Variants in VAV2 observed in about 807,000 individuals in gnomAD.
The protein encoded by VAV2 is vav guanine nucleotide exchange factor 2, also known as guanine nucleotide exchange factor VAV2.
Under a neutral mutation model 132.5 loss-of-function variants are expected in VAV2, and 67 were observed. The ratio of observed to expected loss-of-function variants is 0.51; its 90% CI spans 0.42 to 0.62. The LOEUF (loss-of-function observed/expected upper bound fraction) is 0.62, where lower values mean the gene tolerates loss of function less well. Ranked by LOEUF, VAV2 falls within the 20% of genes least tolerant of loss-of-function variation. The probability of loss-of-function intolerance (pLI) is 0.00; values close to 1 mark genes in which losing one functional copy is unlikely to be tolerated. For synonymous variants in VAV2, 492 were observed against 443.5 expected (o/e 1.11, Z -1.37); for missense variants, 938 against 1,153.6 (o/e 0.81, Z 2.71).
At chr9:133,778,088 C>T (rs1246811578) in intron 22 of VAV2, among the ~76,000 whole-genome samples, 1 of 152,074 alleles carries the variant, frequency 6.6e-6, no homozygotes, top group Non-Finnish European at 1.5e-5. Context: ...CCAGCATGCT[C>T]AACGACATGG....
intron 29 of VAV2, among the ~76,000 whole-genome samples, chr9:133,765,422 C>T (rs953362968): frequency 6.6e-6 from 1 of 152,206 alleles, no homozygotes; most frequent in Non-Finnish European, 1.5e-5. Context: ...AAAGTGCCAA[C>T]GTCCCCATTG....
chr9:133,852,540 T>A (rs1475718951), intron 3 of VAV2, among the ~76,000 whole-genome samples: 3 of 152,214 alleles, frequency 2.0e-5, no homozygotes, highest in East Asian at 3.9e-4. Context: ...GCTGTGATGA[T>A]CCGGGAGTGG....
At chr9:133,956,426 T>C (rs1234854777) in intron 1 of VAV2, among the ~76,000 whole-genome samples, 1 of 152,146 alleles carries the variant, frequency 6.6e-6, no homozygotes, top group Admixed American at 6.5e-5. Context: ...GGGTACTCTG[T>C]CTTTCTACCT....
chr9:133,929,349 C>T (rs1840594525), intron 2 of VAV2, among the ~76,000 whole-genome samples: 1 of 152,072 alleles, frequency 6.6e-6, no homozygotes, highest in Non-Finnish European at 1.5e-5. Flanking sequence ...GATGGGAAGT[C>T]CAGGGTGACA....
At chr9:133,780,102 C>A (rs746458759) in intron 20 of VAV2, 163 bp from the exon 21 acceptor site, 36 of 887,144 alleles carry the variant, frequency 4.1e-5, no homozygotes, top group Non-Finnish European at 5.4e-5. Context: ...GGGACGCCCC[C>A]ACCCTGGCAA....
intron 4 of VAV2, among the ~76,000 whole-genome samples, chr9:133,820,078 C>A (rs1835725904): frequency 6.6e-6 from 1 of 152,216 alleles, no homozygotes; most frequent in Non-Finnish European, 1.5e-5. Context: ...CAATGGCCAT[C>A]TGTCCCAATG....
At chr9:133,877,279 C>A (rs1034351971) in intron 2 of VAV2, among the ~76,000 whole-genome samples, 2 of 152,302 alleles carry the variant, frequency 1.3e-5, no homozygotes, top group South Asian at 2.1e-4. Flanking sequence ...ACACTCTGCA[C>A]AACGATGCCA....
intron 2 of VAV2, among the ~76,000 whole-genome samples, chr9:133,890,303 C>T (rs1443425402): frequency 1.3e-5 from 2 of 152,218 alleles, no homozygotes; most frequent in Non-Finnish European, 2.9e-5. Flanking sequence ...CTGCCTGTCA[C>T]AGAGGGACTG....
At position 133,841,215 on chromosome 9, in the gene VAV2, G is replaced by A. The variant is rs940916345; in HGVS notation, c.381-6875C>T. 4.6e-5 allele frequency among the ~76,000 whole-genome samples: 7 copies of A among 151,990 alleles called. No individual in the cohort carries two copies. In the South Asian group the frequency reaches 6.2e-4, roughly 14 times the overall value. On this transcript the variant is annotated intron_variant, in intron 3 of 29. Transcript: ENST00000371850. ...GTGGGGTTCAATGGGGAGCACGACC[G>A]CTTGTTGGTGCTGATCTAAGATTTC...
At position 133,929,745 on chromosome 9, in the gene VAV2, G is replaced by A. The variant is rs540848320; in HGVS notation, c.321+9358C>T. Among the ~76,000 whole-genome samples the A allele has an allele frequency of 4.6e-5, 7 of 152,158 alleles. No individual in the cohort carries two copies. The East Asian group carries it at 9.7e-4, about 21-fold the overall frequency. ...CACAGCCGACTCCCTCATCCTGGAC[G>A]TAGTGATGCGGCCTGTCCCCACCAC... On this transcript the variant is annotated intron_variant, in intron 2 of 29. Transcript: ENST00000371850.
intron 1 of VAV2, among the ~76,000 whole-genome samples, chr9:133,985,225 ATTGTGTGT>A (rs1295853552): frequency 1.3e-4 from 12 of 92,774 alleles, no homozygotes; most frequent in Non-Finnish European, 1.7e-4. Flanking sequence ...ATCTTGCCTT[ATTGTGTGT>A]GTGTGTGTGT....
chr9:133,896,098 C>T (rs1396810926), intron 2 of VAV2, among the ~76,000 whole-genome samples: 2 of 150,726 alleles, frequency 1.3e-5, no homozygotes, highest in Non-Finnish European at 3.0e-5. Context: ...GTGTTTGTGT[C>T]CCTGGGTACT....
At chr9:133,873,715 G>T (rs1384074501) in intron 2 of VAV2, among the ~76,000 whole-genome samples, 1 of 152,208 alleles carries the variant, frequency 6.6e-6, no homozygotes, top group African/African-American at 2.4e-5. Flanking sequence ...ATCAGTCGGG[G>T]GTCAGGGGCT....
chr9:133,953,336 G>A (rs189907518), intron 1 of VAV2, among the ~76,000 whole-genome samples: 1 of 152,382 alleles, frequency 6.6e-6, no homozygotes, highest in East Asian at 1.9e-4. Context: ...CACTTGGAAT[G>A]GCTTTGGGAT....
chr9:133,818,532 G>T (rs1827159665), intron 4 of VAV2, among the ~76,000 whole-genome samples: 1 of 152,178 alleles, frequency 6.6e-6, no homozygotes, highest in South Asian at 2.1e-4. Context: ...CTTTGGCCTT[G>T]GGCTGACACA....
At chr9:133,783,370 C>T (rs556769784) in intron 19 of VAV2, 133 bp downstream of exon 19, 8 of 798,716 alleles carry the variant, frequency 1.0e-5, no homozygotes, top group Admixed American at 3.9e-5. Flanking sequence ...CTCTGGGGCA[C>T]GTGAGCACTG....
intron 2 of VAV2, among the ~76,000 whole-genome samples, chr9:133,938,389 C>T (rs1181259392): frequency 6.6e-6 from 1 of 152,194 alleles, no homozygotes; most frequent in Non-Finnish European, 1.5e-5. Context: ...CTCTGGAAGG[C>T]AGGTGGCCCC....
chr9:133,985,702 CA>C (rs1842838658), intron 1 of VAV2, among the ~76,000 whole-genome samples: 1 of 152,172 alleles, frequency 6.6e-6, no homozygotes, highest in Non-Finnish European at 1.5e-5. Flanking sequence ...TCTTGTTGAC[CA>C]GCCTGGGTTA....
intron 2 of VAV2, among the ~76,000 whole-genome samples, chr9:133,938,405 C>T (rs1841004405): frequency 6.6e-6 from 1 of 152,132 alleles, no homozygotes; most frequent in East Asian, 1.9e-4. Flanking sequence ...GCCCCTGCGT[C>T]CCTCTGTACC....
Sources: allele counts gnomAD v4.1 joint callset (sites outside exome capture counted in the v4.1 genomes callset), GRCh38; gene constraint gnomAD v4.1.1; transcripts MANE v1.5; gene names NCBI Gene and HGNC (gene_info 2026-07-23, HGNC 2026-07-21).